Variants in BOC observed in about 807,000 individuals in gnomAD.
BOC encodes the protein BOC cell adhesion associated, oncogene regulated.
Under a neutral mutation model 112.0 loss-of-function variants are expected in BOC, and 76 were observed. That is an observed-to-expected ratio of 0.68 (90% CI 0.56 to 0.82). The LOEUF (loss-of-function observed/expected upper bound fraction) is 0.82. Among genes scored for constraint, BOC ranks in the 40% least tolerant of loss-of-function variants. The pLI is 0.00. For synonymous variants in BOC, 580 were observed against 599.8 expected, an observed-to-expected ratio of 0.97 and a Z score of 0.48; for missense variants, 1,309 against 1,511.7, an observed-to-expected ratio of 0.87 and a Z score of 2.22.
intron 4 of BOC, among the ~76,000 whole-genome samples, chr3:113,256,641 G>C (rs542975129): frequency 2.6e-5 from 4 of 152,246 alleles, no homozygotes; most frequent in African/African-American, 9.6e-5. Context: ...CTGTGAACTA[G>C]AATAGTCCAT....
At chr3:113,270,595 C>A in intron 5 of BOC, 1 of 549,626 alleles carries the variant, frequency 1.8e-6, no homozygotes, top group Non-Finnish European at 3.1e-6. Context: ...GTTACCTTTT[C>A]TCTCTGGCAC....
intron 16 of BOC, among the ~76,000 whole-genome samples, chr3:113,283,986 G>A (rs1949438504): frequency 6.6e-6 from 1 of 151,958 alleles, no homozygotes; most frequent in South Asian, 2.1e-4. Context: ...CCTCTATCCT[G>A]GAATCTGACT....
intron 5 of BOC, chr3:113,270,535 A>C (rs927008798): frequency 1.0e-4 from 44 of 440,546 alleles, no homozygotes; most frequent in Admixed American, 1.6e-4. Context: ...TGACCTATGC[A>C]CTAAGTTGTG....
In BOC at chr3:113,215,010, G is replaced by A. The variant is rs561893874; in HGVS notation, c.-169-1177G>A. The stretch of plus-strand genomic sequence containing the variant: ...TACTTTTGACATAGTTGTGATAAGA[G>A]TATGAACTTTTGTCATCAGACAGCC... On this transcript the variant is annotated intron_variant, in intron 1 of 19. Transcript: ENST00000682979. Among the ~76,000 whole-genome samples the A allele has an allele frequency of 2.2e-4, 33 of 152,320 alleles. No homozygotes were observed. In the East Asian group the frequency reaches 3.5e-3, roughly 16 times the overall value.
At chr3:113,245,852 G>C (rs539467921) in intron 2 of BOC, among the ~76,000 whole-genome samples, 9 of 152,338 alleles carry the variant, frequency 5.9e-5, no homozygotes, top group African/African-American at 2.2e-4. Context: ...CATGTTTTGT[G>C]TTTTAGATCA....
At chr3:113,249,625 C>T in intron 2 of BOC, 97 bp from the exon 3 acceptor site, 3 of 527,978 alleles carry the variant, frequency 5.7e-6, no homozygotes, top group East Asian at 3.4e-5. Context: ...ATGTTGCCAA[C>T]AGGGAACAAG....
In BOC at chr3:113,274,226, T is replaced by C; in HGVS notation, c.1235-149T>C. ...CACCAGCGCTGTCTTCCACGGAGCC[T>C]GGCTGGGCAGCACAGAGTGGGTGGC... On this transcript the variant is annotated intron_variant, in intron 8 of 19. Transcript: ENST00000682979. This position sits in a 1 kb window ranked among gnomAD's most constrained non-coding sequence, Gnocchi z 4.8. The C allele has an allele frequency of 1.5e-6, 1 of 677,596 alleles. No homozygotes were observed. The highest frequency in any genetic ancestry group is 2.2e-6 in the Non-Finnish European group (1 of 448,808). 42.0% of individuals were successfully genotyped at this position (677,596 alleles called of 1,614,324 possible). A position where few individuals can be genotyped will look rare whatever the true frequency, so the allele number is the denominator to read the frequency against.
rs577891450 is a variant in BOC at position 113,270,941 on chromosome 3, C to T, written c.664C>T (p.Arg222Cys). ...CGGCTCCAGCGACAGGCTACGTGTG[C>T]GCCGTAAGGCCCGGGCCCACCTGCT... ...TSGSSDRLRV[R>C]RSTAEAARII... The change falls in exon 6 of 20, where the codon CGC becomes TGC. Residue 222 changes from arginine (R) to cysteine (C), a missense_variant. By Grantham distance (180) the Arg-to-Cys change is radical. Transcript: ENST00000682979. The T allele has an allele frequency of 3.1e-4, 495 of 1,614,152 alleles. 1 individual carries two copies. The South Asian group carries it at 4.2e-3, about 14-fold the overall frequency.
At chr3:113,268,225 G>A in intron 4 of BOC, 74 bp from the exon 5 acceptor site, 1 of 1,583,194 alleles carries the variant, frequency 6.3e-7, no homozygotes, top group Admixed American at 1.8e-5. Flanking sequence ...ACAACACCAA[G>A]GCACAAGCCC....
At position 113,281,119 on chromosome 3, in the gene BOC, C is replaced by T. The variant is rs140667397; in HGVS notation, c.2400C>T (p.Ser800=). 154 of 1,614,040 alleles carry T rather than the reference C, an allele frequency of 9.5e-5. No individual in the cohort carries two copies. In the African/African-American group the frequency reaches 1.7e-3, roughly 18 times the overall value. ...AGTGCTTCAATGAAGGAGGGGAGAG[C>T]GAGTTCAGCAACGTGATGATCTGTG... ...KMQCFNEGGE[S]EFSNVMICET... The change falls in exon 15 of 20, where the codon AGC becomes AGT. Residue 800 remains serine (S), a synonymous_variant. Transcript: ENST00000682979.
In BOC at chr3:113,266,660, C is replaced by T. The variant is rs570505540; in HGVS notation, c.377-1639C>T. Among the ~76,000 whole-genome samples, 42 of 152,288 alleles carry T rather than the reference C, an allele frequency of 2.8e-4. 1 individual carries two copies. The South Asian group carries it at 8.3e-3, about 30-fold the overall frequency. ...ATTCGTTCATTCATTAACATTCATTCATTTATTCATTCAACACTTGCCAAG... is the reference window on the plus strand; with the variant it reads ...ATTCGTTCATTCATTAACATTCATTTATTTATTCATTCAACACTTGCCAAG... On this transcript the variant is annotated intron_variant, in intron 4 of 19. Coordinates refer to ENST00000682979, the MANE Select transcript of BOC (RefSeq NM_001378074.1).
At chr3:113,219,905 C>T (rs79344936) in intron 2 of BOC, among the ~76,000 whole-genome samples, 4,625 of 152,248 alleles carry the variant, frequency 0.03, 112 homozygotes, top group East Asian at 0.044. Context: ...TTCTTCCCCC[C>T]TCCCCTGGGA....
At position 113,287,136 on chromosome 3, in the gene BOC, TG is replaced by T; in HGVS notation, c.*278del. On this transcript the variant is annotated 3_prime_UTR_variant, in exon 20 of 20. Transcript: ENST00000682979. ...GCTGGCGCGGGACAGACTCCTAACC[TG>T]GGGCCTCTGCAGTGGCAGGCGAGGC... is the stretch of plus-strand genomic sequence containing the variant. 1 of 462,300 alleles carries T rather than the reference TG, an allele frequency of 2.2e-6. No homozygotes were observed. Among genetic ancestry groups the T allele is most frequent in the Non-Finnish European group, 4.2e-6 (1 of 240,186 alleles). 28.6% of individuals were successfully genotyped at this position (462,300 alleles called of 1,614,324 possible).
intron 2 of BOC, among the ~76,000 whole-genome samples, chr3:113,240,124 A>G (rs935737215): frequency 1.3e-5 from 2 of 152,210 alleles, no homozygotes; most frequent in Non-Finnish European, 2.9e-5. Context: ...TGAAATAGCC[A>G]GTGTACCATT....
chr3:113,250,974 T>A, intron 4 of BOC, 141 bp downstream of exon 4: 1 of 1,081,138 alleles, frequency 9.2e-7, no homozygotes, highest in Non-Finnish European at 1.3e-6. Context: ...ATCAGAACAG[T>A]AGCTGCCTAG....
In BOC at chr3:113,285,365, A is replaced by C. The variant is rs1201109968; in HGVS notation, c.2967-7A>C. 1 of 1,611,272 alleles carries C rather than the reference A, an allele frequency of 6.2e-7. No homozygotes were observed. The highest frequency in any genetic ancestry group is 8.5e-7 in the Non-Finnish European group (1 of 1,178,854). Reference sequence around the variant, plus strand: ...CCCACCTCCCCATCTGGGCTTGTGCACTGCAGGGGTCCCAAGTCTAGCCCG... The same window carrying C: ...CCCACCTCCCCATCTGGGCTTGTGCCCTGCAGGGGTCCCAAGTCTAGCCCG... On this transcript the variant is annotated splice_region_variant and splice_polypyrimidine_tract_variant and intron_variant, in intron 18 of 19. Transcript: ENST00000682979.
intron 1 of BOC, among the ~76,000 whole-genome samples, chr3:113,214,194 A>C (rs1005819474): frequency 1.3e-5 from 2 of 151,912 alleles, no homozygotes; most frequent in African/African-American, 4.8e-5. Context: ...TGGTGAGCCA[A>C]CTCTTGGTAA....
chr3:113,283,744 A>G (rs1340873084), intron 16 of BOC, 112 bp downstream of exon 16: 7 of 1,031,690 alleles, frequency 6.8e-6, no homozygotes, highest in Non-Finnish European at 9.9e-6. Context: ...AAGTCCCCCA[A>G]AGGTCTCGGA....
chr3:113,219,717 T>C (rs140882220), intron 2 of BOC, among the ~76,000 whole-genome samples: 175 of 152,334 alleles, frequency 1.1e-3, no homozygotes, highest in African/African-American at 3.7e-3. Context: ...AAACTGGGAC[T>C]ACAGCTAGGA....
Sources: gnomAD v4.1 joint callset for allele counts (sites outside exome capture counted in the v4.1 genomes callset) on GRCh38, gnomAD v4.1.1 for gene constraint, Gnocchi (gnomAD v3.1) non-coding constraint, MANE v1.5 for transcripts, NCBI Gene and HGNC (gene_info 2026-07-23, HGNC 2026-07-21) for gene names.